The following CACNB2 variants were observed in gnomAD, a reference collection of about 807,000 sequenced individuals.
CACNB2 encodes the protein voltage-dependent L-type calcium channel subunit beta-2.
A neutral mutation model predicts 73.3 loss-of-function variants in CACNB2; 42 were observed. The ratio of observed to expected loss-of-function variants is 0.57; its 90% confidence interval spans 0.45 to 0.74. CACNB2 has a LOEUF of 0.74. Ranked by LOEUF, CACNB2 falls within the 30% of genes least tolerant of loss-of-function variation. CACNB2 has a pLI of 0.00. For synonymous variants in CACNB2, 348 were observed against 310.3 expected (o/e 1.12, Z -1.28); for missense variants, 940 against 853.0 (o/e 1.10, Z -1.27).
intron 2 of CACNB2, among the ~76,000 whole-genome samples, chr10:18,283,471 C>T (rs1347213232): frequency 6.6e-6 from 1 of 152,042 alleles, no homozygotes; most frequent in East Asian, 1.9e-4. Flanking sequence ...ACATATACAC[C>T]ATGGAACACT....
At chr10:18,535,932 A>G (rs991916736) in intron 11 of CACNB2, among the ~76,000 whole-genome samples, 169 bp from the exon 12 acceptor site, 10 of 152,140 alleles carry the variant, frequency 6.6e-5, no homozygotes, top group Admixed American at 1.3e-4. Context: ...AAAGCTTGCA[A>G]CTGTGATTTA....
Position 18,342,932 on chromosome 10 carries a change from C to T in CACNB2, c.214-58992C>T, listed in dbSNP as rs117049839. On this transcript the variant is annotated intron_variant, in intron 2 of 13. Transcript: ENST00000324631. ...GTGGTCTTTATTTTTGTTCTAATCG[C>T]AAGTATGATTTCAGTTTTTATATCA... 4.4e-3 allele frequency among the ~76,000 whole-genome samples: 669 copies of T among 152,124 alleles called. 6 individuals are homozygous for T. The highest frequency in any genetic ancestry group is 6.8e-3 in the Middle Eastern group (2 of 294).
intron 2 of CACNB2, among the ~76,000 whole-genome samples, chr10:18,195,609 TG>T (rs1168359013): frequency 6.6e-6 from 1 of 152,228 alleles, no homozygotes; most frequent in Non-Finnish European, 1.5e-5. Flanking sequence ...GCAGCAATGC[TG>T]GGATGCACGT....
At chr10:18,366,464 CAAAA>C (rs58231666) in intron 2 of CACNB2, among the ~76,000 whole-genome samples, 22 of 99,568 alleles carry the variant, frequency 2.2e-4, no homozygotes, top group African/African-American at 7.8e-4. Flanking sequence ...GACTCCGTCT[CAAAA>C]AAAAAAAAAA....
intron 2 of CACNB2, among the ~76,000 whole-genome samples, chr10:18,359,353 C>T (rs1293313563): frequency 1.3e-5 from 2 of 152,128 alleles, no homozygotes; most frequent in African/African-American, 4.8e-5. Context: ...CTCACTGCAA[C>T]CTCTGCCTCC....
intron 2 of CACNB2, among the ~76,000 whole-genome samples, chr10:18,279,536 G>C (rs1404268583): frequency 6.6e-6 from 1 of 152,124 alleles, no homozygotes; most frequent in Non-Finnish European, 1.5e-5. Context: ...GCATTTTCTT[G>C]CATATAATAT....
chr10:18,353,561 G>A lies in CACNB2; in HGVS notation c.214-48363G>A, dbSNP rs577484010. Reference sequence around the variant, plus strand: ...TGTAAGCATTTCTTCACAGTTCGCCGATCTACGTTGATTCAGTATAAGGTA... The same window carrying A: ...TGTAAGCATTTCTTCACAGTTCGCCAATCTACGTTGATTCAGTATAAGGTA... On this transcript the variant is annotated intron_variant, in intron 2 of 13. Coordinates refer to ENST00000324631, the MANE Select transcript of CACNB2 (RefSeq NM_201596.3). 1.4e-4 allele frequency among the ~76,000 whole-genome samples: 21 copies of A among 152,220 alleles called. 1 individual carries two copies. The South Asian group carries it at 3.5e-3, about 26-fold the overall frequency.
At chr10:18,259,046 G>A (rs1161715748) in intron 2 of CACNB2, among the ~76,000 whole-genome samples, 1 of 151,958 alleles carries the variant, frequency 6.6e-6, no homozygotes, top group Non-Finnish European at 1.5e-5. Flanking sequence ...AATCCACAAA[G>A]GTTTAACTAG....
intron 3 of CACNB2, among the ~76,000 whole-genome samples, chr10:18,466,911 T>G (rs7918142): frequency 0.5 from 75,464 of 151,940 alleles, 19,004 homozygotes; most frequent in South Asian, 0.64. Flanking sequence ...TCCCAGCACT[T>G]TGGGAGGCCG....
intron 2 of CACNB2, among the ~76,000 whole-genome samples, chr10:18,244,114 G>A (rs553915876): frequency 6.6e-6 from 1 of 152,250 alleles, no homozygotes; most frequent in South Asian, 2.1e-4. Flanking sequence ...AATCAATCAG[G>A]TGATGCCAGG....
intron 2 of CACNB2, among the ~76,000 whole-genome samples, chr10:18,329,991 C>T (rs1302762224): frequency 1.3e-5 from 2 of 152,012 alleles, no homozygotes; most frequent in African/African-American, 4.8e-5. Flanking sequence ...CAGGCACGCA[C>T]CACCCTGCCC....
At chr10:18,531,986 A>G (rs2053077894) in intron 10 of CACNB2, 2 of 152,230 alleles carry the variant, frequency 1.3e-5, no homozygotes, top group African/African-American at 2.4e-5. Context: ...ATTGACTTTC[A>G]GTTTCAGAAA....
chr10:18,527,397 T>G (rs1269415395), intron 9 of CACNB2, among the ~76,000 whole-genome samples, 191 bp from the exon 10 acceptor site: 1 of 151,538 alleles, frequency 6.6e-6, no homozygotes, highest in Non-Finnish European at 1.5e-5. Context: ...AAAAACAAAG[T>G]AAGGCAGGTG....
chr10:18,430,104 T>G (rs1177190222), intron 3 of CACNB2, among the ~76,000 whole-genome samples: 1 of 149,482 alleles, frequency 6.7e-6, no homozygotes, highest in East Asian at 2.0e-4. Flanking sequence ...TACAATTATT[T>G]ACTTAAGCAG....
chr10:18,150,880 T>TTTTTTTTC lies in CACNB2; in HGVS notation c.121-3_121-2insTTTTTTTC. ...CTTTTTTTTTTTTTTTTTTTTTTTT[T>TTTTTTTTC]AGTCATATGGAAAAGGAGCCAGAAG... is the stretch of plus-strand genomic sequence containing the variant. On this transcript the variant is annotated splice_polypyrimidine_tract_variant and splice_region_variant and intron_variant, in intron 1 of 13. Transcript: ENST00000324631. The TTTTTTTTC allele has an allele frequency of 1.5e-6, 2 of 1,300,366 alleles. No individual in the cohort carries two copies. The highest frequency in any genetic ancestry group is 2.2e-5 in the Admixed American group (1 of 46,084). 80.6% of individuals were successfully genotyped at this position (1,300,366 alleles called of 1,614,324 possible).
intron 2 of CACNB2, among the ~76,000 whole-genome samples, chr10:18,342,087 C>A (rs1343346172): frequency 6.6e-6 from 1 of 152,162 alleles, no homozygotes; most frequent in Non-Finnish European, 1.5e-5. Flanking sequence ...AGAAATTATT[C>A]TGTACCTGTT....
intron 3 of CACNB2, among the ~76,000 whole-genome samples, chr10:18,489,060 T>A (rs377679245): frequency 9.2e-4 from 140 of 151,986 alleles, no homozygotes; most frequent in African/African-American, 3.3e-3. Flanking sequence ...ACACTTATAA[T>A]CCCAGCACTT....
At chr10:18,186,159 C>A (rs1309337618) in intron 2 of CACNB2, among the ~76,000 whole-genome samples, 1 of 152,112 alleles carries the variant, frequency 6.6e-6, no homozygotes, top group Non-Finnish European at 1.5e-5. Flanking sequence ...GTAGCGCACA[C>A]CTGTAATCCC....
At chr10:18,318,447 T>G (rs1449365045) in intron 2 of CACNB2, among the ~76,000 whole-genome samples, 1 of 152,210 alleles carries the variant, frequency 6.6e-6, no homozygotes, top group Non-Finnish European at 1.5e-5. Context: ...ACAGGATCCC[T>G]TCCTTACACC....
Sources: gnomAD v4.1 joint callset for allele counts (sites outside exome capture counted in the v4.1 genomes callset) on GRCh38, gnomAD v4.1.1 for gene constraint, MANE v1.5 for transcripts, NCBI Gene and HGNC (gene_info 2026-07-23, HGNC 2026-07-21) for gene names.